CNIH3: variants seen among roughly 807,000 people sequenced by gnomAD.
CNIH3 encodes protein cornichon homolog 3.
In CNIH3, 14 loss-of-function variants were observed where a neutral mutation model predicts 24.1. The ratio of observed to expected loss-of-function variants is 0.58; its 90% CI spans 0.38 to 0.91. CNIH3 has a LOEUF of 0.91. Ranked by LOEUF, CNIH3 falls within the 40% of genes least tolerant of loss-of-function variation. The probability of loss-of-function intolerance (pLI) is 0.00; values close to 1 mark genes in which losing one functional copy is unlikely to be tolerated. For synonymous variants in CNIH3, 68 were observed against 73.8 expected, an observed-to-expected ratio of 0.92 and a Z score of 0.40; for missense variants, 178 against 196.8, an observed-to-expected ratio of 0.90 and a Z score of 0.57.
intron 4 of CNIH3, among the ~76,000 whole-genome samples, chr1:224,570,436 G>A (rs1485969606): frequency 6.6e-6 from 1 of 152,126 alleles, no homozygotes; most frequent in African/African-American, 2.4e-5. Context: ...TTCTGTTTCT[G>A]CATTAATTTG....
intron 1 of CNIH3, among the ~76,000 whole-genome samples, chr1:224,638,692 A>T (rs1458553629): frequency 1.3e-5 from 2 of 152,222 alleles, no homozygotes; most frequent in Non-Finnish European, 2.9e-5. Context: ...TGATTAGAAC[A>T]TGCAGGTAGC....
intron 1 of CNIH3, among the ~76,000 whole-genome samples, chr1:224,499,541 C>G (rs552182926): frequency 1.3e-5 from 2 of 152,166 alleles, no homozygotes; most frequent in African/African-American, 2.4e-5. Context: ...GATGTGCCAC[C>G]TCCCTCCTCA....
At chr1:224,538,699 G>A (rs1303505779), downstream of CNIH3, among the ~76,000 whole-genome samples, 1 of 147,834 alleles carries the variant, frequency 6.8e-6, no homozygotes, top group Non-Finnish European at 1.5e-5. Context: ...CTTGCGTGTT[G>A]CCCAGCCCGG....
At chr1:224,631,673 G>A (rs549463668) in intron 1 of CNIH3, among the ~76,000 whole-genome samples, 2 of 152,272 alleles carry the variant, frequency 1.3e-5, no homozygotes, top group South Asian at 4.1e-4. Context: ...CACCTCCACA[G>A]CGTCTCAAAC....
rs1341782697 is a variant in CNIH3 at position 224,478,382 on chromosome 1, G to GCTT, written n.204-37353_204-37351dup. On this transcript the variant is annotated intron_variant and non_coding_transcript_variant, in intron 1 of 5. Coordinates refer to the CNIH3 transcript ENST00000471578. ...TGTCTCCTCCGTGTATTTTCAAATA[G>GCTT]CTTCTTCTCAAGCTTACGGATTCTT... 9.2e-5 allele frequency among the ~76,000 whole-genome samples: 14 copies of GCTT among 152,096 alleles called. No homozygotes were observed. In the East Asian group the frequency reaches 2.5e-3, roughly 27 times the overall value.
chr1:224,544,758 C>T (rs1001274868), intron 2 of CNIH3, among the ~76,000 whole-genome samples: 1 of 152,180 alleles, frequency 6.6e-6, no homozygotes, highest in Non-Finnish European at 1.5e-5. Context: ...CTACTACGAC[C>T]ACCACCATTA....
chr1:224,698,554 T>G (rs1448550139), intron 3 of CNIH3, among the ~76,000 whole-genome samples: 3 of 152,240 alleles, frequency 2.0e-5, no homozygotes, highest in African/African-American at 7.2e-5. Context: ...TGTAGAAGTC[T>G]CTGCATGAGC....
intron 3 of CNIH3, among the ~76,000 whole-genome samples, chr1:224,605,761 C>T (rs1337672579): frequency 6.6e-6 from 1 of 152,100 alleles, no homozygotes; most frequent in Non-Finnish European, 1.5e-5. Flanking sequence ...TTTCCACATC[C>T]CTATGATCGC....
chr1:224,588,447 C>G (rs938937920), exon 6 of CNIH3: 1 of 152,090 alleles, frequency 6.6e-6, no homozygotes, highest in African/African-American at 2.4e-5. Flanking sequence ...GGCAGGGGCT[C>G]CAATGATGAT....
chr1:224,494,291 A>G (rs563579170), intron 1 of CNIH3, among the ~76,000 whole-genome samples: 63 of 152,210 alleles, frequency 4.1e-4, no homozygotes, highest in Non-Finnish European at 5.7e-4. Flanking sequence ...TATCTAGTCC[A>G]AGGGAGTAGA....
chr1:224,699,097 A>T (rs1386394935), intron 3 of CNIH3, among the ~76,000 whole-genome samples: 3 of 152,138 alleles, frequency 2.0e-5, no homozygotes, highest in African/African-American at 7.2e-5. Context: ...TTTTCCCAGA[A>T]TACTTCCACA....
intron 1 of CNIH3, among the ~76,000 whole-genome samples, chr1:224,445,148 G>A (rs1675102054): frequency 6.6e-6 from 1 of 152,072 alleles, no homozygotes; most frequent in Non-Finnish European, 1.5e-5. Flanking sequence ...AATGGTGTGT[G>A]TATATAAATA....
intron 1 of CNIH3, among the ~76,000 whole-genome samples, chr1:224,447,503 G>C (rs1675216874): frequency 6.6e-6 from 1 of 152,150 alleles, no homozygotes; most frequent in Non-Finnish European, 1.5e-5. Context: ...AGTCTCCTGT[G>C]GAAACCCTGG....
intron 5 of CNIH3, among the ~76,000 whole-genome samples, 158 bp from the exon 6 acceptor site, chr1:224,739,171 G>A (rs1466080100): frequency 1.3e-5 from 2 of 152,170 alleles, no homozygotes; most frequent in African/African-American, 4.8e-5. Context: ...GGGCACAGTA[G>A]TGGAGTTGGC....
chr1:224,460,805 G>T (rs1262752547), intron 1 of CNIH3, among the ~76,000 whole-genome samples: 5 of 150,522 alleles, frequency 3.3e-5, no homozygotes, highest in African/African-American at 1.2e-4. Context: ...GGTCTCATTT[G>T]GTCACCCAGG....
intron 3 of CNIH3, among the ~76,000 whole-genome samples, chr1:224,605,746 A>G (rs1428197140): frequency 1.3e-5 from 2 of 151,926 alleles, no homozygotes; most frequent in Non-Finnish European, 2.9e-5. Context: ...GTGCATGAGG[A>G]CTGTTTTCCA....
At chr1:224,514,321 C>A (rs115226435), upstream of CNIH3, among the ~76,000 whole-genome samples, 1,214 of 152,164 alleles carry the variant, frequency 8.0e-3, 15 homozygotes, top group African/African-American at 0.027. Flanking sequence ...GAGTTTCAGA[C>A]CTGGGCACTA....
intron 1 of CNIH3, among the ~76,000 whole-genome samples, chr1:224,676,409 T>G (rs569385494): frequency 6.6e-6 from 1 of 152,206 alleles, no homozygotes; most frequent in South Asian, 2.1e-4. Context: ...CTGTTCTGTG[T>G]CTTGATTTTG....
At chr1:224,494,439 C>T (rs566293013) in intron 1 of CNIH3, among the ~76,000 whole-genome samples, 2 of 152,256 alleles carry the variant, frequency 1.3e-5, no homozygotes, top group Non-Finnish European at 2.9e-5. Flanking sequence ...TGTGTTCCCC[C>T]TCAGCCTACA....
Sources: allele counts gnomAD v4.1 joint callset (sites outside exome capture counted in the v4.1 genomes callset), GRCh38; gene constraint gnomAD v4.1.1; transcripts MANE v1.5; gene names NCBI Gene and HGNC (gene_info 2026-07-23, HGNC 2026-07-21).